Variants in CCDC180 observed in about 807,000 individuals in gnomAD.
The protein encoded by CCDC180 is coiled-coil domain containing 180.
Under a neutral mutation model 209.2 loss-of-function variants are expected in CCDC180, and 154 were observed. That is an observed-to-expected ratio of 0.74 (90% CI 0.65 to 0.84). The LOEUF (loss-of-function observed/expected upper bound fraction) is 0.84. Ranked by LOEUF, CCDC180 falls within the 40% of genes least tolerant of loss-of-function variation. The probability of loss-of-function intolerance (pLI) is 0.00; values close to 1 mark genes in which losing one functional copy is unlikely to be tolerated. For synonymous variants in CCDC180, 778 were observed against 749.1 expected, an observed-to-expected ratio of 1.04 and a Z score of -0.63; for missense variants, 1,874 against 1,997.3, an observed-to-expected ratio of 0.94 and a Z score of 1.18.
intron 29 of CCDC180, 27 bp downstream of exon 29, chr9:97,364,155 C>T (rs771182754): frequency 6.2e-7 from 1 of 1,609,438 alleles, no homozygotes; most frequent in South Asian, 1.1e-5. Flanking sequence ...TTCCTTTTGA[C>T]TGCATTTAAC....
Position 97,330,686 on chromosome 9 carries a change from A to AGAGGAG in CCDC180, c.2203_2208dup (p.Glu735_Glu736dup), listed in dbSNP as rs113264216. On this transcript the variant is annotated inframe_insertion, in exon 18 of 37. Transcript: ENST00000529487. ...CAGAGGAGGAAGATGAGAAGGAGGA[A>AGAGGAG]GAGGAGGAGGAGGAGAAGCTGGAGG... 0.46 allele frequency: 731,819 copies of AGAGGAG among 1,585,562 alleles called. 160,393 individuals are homozygous for AGAGGAG. Among genetic ancestry groups the AGAGGAG allele is most frequent in the African/African-American group, 0.71 (51,680 of 73,204 alleles).
Position 97,377,811 on chromosome 9 carries a change from A to G in CCDC180, c.*917A>G, listed in dbSNP as rs1827297349. 1 of 134,682 alleles carries G rather than the reference A, an allele frequency of 7.4e-6. No homozygotes were observed. Among genetic ancestry groups the G allele is most frequent in the South Asian group, 2.4e-4 (1 of 4,146 alleles). The allele number at this position is 134,682 out of a possible 1,614,324, so 8.3% of individuals were successfully genotyped here. ...CTGTGCTCCCCCCACCCCCACCCCA[A>G]TGTGCTACCTTTCATTGCTTATTAT... On this transcript the variant is annotated 3_prime_UTR_variant, in exon 37 of 37. Transcript: ENST00000529487.
In CCDC180 at chr9:97,326,450, G is replaced by A. The variant is rs573228520; in HGVS notation, c.1546-104G>A. On this transcript the variant is annotated intron_variant, in intron 14 of 36. Coordinates refer to ENST00000529487, the MANE Select transcript of CCDC180 (RefSeq NM_020893.6). ...GAAAGGAAGTCCTGGGTCTGCTGAGGCACCTGGGCCTCAGTTCCAGCAGCA... is the reference window on the plus strand; with the variant it reads ...GAAAGGAAGTCCTGGGTCTGCTGAGACACCTGGGCCTCAGTTCCAGCAGCA... The A allele has an allele frequency of 2.4e-3, 1,737 of 714,696 alleles. 18 individuals are homozygous for A. The highest frequency in any genetic ancestry group is 8.2e-3 in the South Asian group (513 of 62,624). 44.3% of individuals were successfully genotyped at this position (714,696 alleles called of 1,614,324 possible). A position where few individuals can be genotyped will look rare whatever the true frequency, so the allele number is the denominator to read the frequency against.
At chr9:97,349,969 T>C (rs1184303224) in intron 21 of CCDC180, among the ~76,000 whole-genome samples, 2 of 152,146 alleles carry the variant, frequency 1.3e-5, no homozygotes, top group African/African-American at 4.8e-5. Flanking sequence ...TAGGATCTTC[T>C]GGGATTCTTT....
chr9:97,357,836 C>T (rs769947953), intron 25 of CCDC180, 111 bp downstream of exon 25: 19 of 829,506 alleles, frequency 2.3e-5, no homozygotes, highest in South Asian at 3.7e-5. Context: ...ACAAGGTTGG[C>T]GGGGTGGGGG....
intron 24 of CCDC180, among the ~76,000 whole-genome samples, chr9:97,355,504 A>G (rs977648278): frequency 1.3e-5 from 2 of 152,198 alleles, no homozygotes; most frequent in African/African-American, 2.4e-5. Flanking sequence ...ATTGAGCACC[A>G]TGCATCCTGC....
At position 97,366,436 on chromosome 9, in the gene CCDC180, C is replaced by G; in HGVS notation, c.4048-123C>G. Reference sequence around the variant, plus strand: ...GGAGGAGTGTCTGCTCGTGTCACTTCCACAGGGGATGCCACGAGCAAAGGC... The same window carrying G: ...GGAGGAGTGTCTGCTCGTGTCACTTGCACAGGGGATGCCACGAGCAAAGGC... On this transcript the variant is annotated intron_variant, in intron 30 of 36. Coordinates refer to ENST00000529487, the MANE Select transcript of CCDC180 (RefSeq NM_020893.6). This position sits in a 1 kb window ranked among gnomAD's most constrained non-coding sequence, Gnocchi z 4.3. The G allele has an allele frequency of 9.9e-7, 1 of 1,012,236 alleles. No individual in the cohort carries two copies. The allele number at this position is 1,012,236 out of a possible 1,614,324, so 62.7% of individuals were successfully genotyped here.
At chr9:97,330,090 G>T (rs1042939903) in intron 16 of CCDC180, 64 bp from the exon 17 acceptor site, 37 of 1,033,486 alleles carry the variant, frequency 3.6e-5, no homozygotes, top group South Asian at 7.2e-5. Context: ...AAAAAAAAAA[G>T]GTGGGGGGCA....
At position 97,378,538 on chromosome 9, in the gene CCDC180, C is replaced by T. The variant is rs977394200; in HGVS notation, c.*1644C>T. On this transcript the variant is annotated 3_prime_UTR_variant, in exon 37 of 37. Transcript: ENST00000529487. ...ATATTTTCTCCCTGCTTTTTAAATC[C>T]TAGCCCAGTCCACTAACTCAGTTCA... 1 of 146,354 alleles carries T rather than the reference C, an allele frequency of 6.8e-6. No individual in the cohort carries two copies. Among genetic ancestry groups the T allele is most frequent in the Admixed American group, 7.1e-5 (1 of 13,994 alleles). 9.1% of individuals were successfully genotyped at this position (146,354 alleles called of 1,614,324 possible).
Position 97,354,733 on chromosome 9 carries a change from C to T in CCDC180, c.3147+20C>T, listed in dbSNP as rs1252580123. The T allele has an allele frequency of 6.2e-7, 1 of 1,614,038 alleles. No individual in the cohort carries two copies. The highest frequency in any genetic ancestry group is 8.5e-7 in the Non-Finnish European group (1 of 1,179,950). ...GACCAGGTAGGGCCCCCAGCCAGGC[C>T]CCAGGCCAACCGGTTCCACAGTATC... On this transcript the variant is annotated intron_variant, in intron 23 of 36. Coordinates refer to ENST00000529487, the MANE Select transcript of CCDC180 (RefSeq NM_020893.6).
At chr9:97,373,239 A>G (rs1309390792) in intron 34 of CCDC180, 1 of 152,252 alleles carries the variant, frequency 6.6e-6, no homozygotes, top group African/African-American at 2.4e-5. Context: ...ACTTTTATAA[A>G]TATAAGATTA....
intron 33 of CCDC180, 30 bp downstream of exon 33, chr9:97,370,808 G>A (rs372207445): frequency 6.2e-7 from 1 of 1,610,586 alleles, no homozygotes; most frequent in African/African-American, 1.3e-5. Context: ...CGCCAGTCCA[G>A]GCATGCTCCA....
rs555499519 is a variant in CCDC180 at position 97,362,430 on chromosome 9, C to T, written c.3891C>T (p.Thr1297=). ...GKKAVPSASA[T]SAGSFTPHPK... Reference sequence around the variant, plus strand: ...AGGCTGTACCCAGTGCCAGTGCTACCTCTGCAGGCAGGTAGGACACAAAGC... The same window carrying T: ...AGGCTGTACCCAGTGCCAGTGCTACTTCTGCAGGCAGGTAGGACACAAAGC... The change falls in exon 28 of 37, where the codon ACC becomes ACT. Residue 1297 remains threonine (T), a synonymous_variant. Transcript: ENST00000529487. The T allele has an allele frequency of 2.0e-5, 32 of 1,613,820 alleles. No individual in the cohort carries two copies. The Admixed American group carries it at 4.3e-4, about 22-fold the overall frequency.
At chr9:97,341,227 G>T (rs987252945) in intron 18 of CCDC180, among the ~76,000 whole-genome samples, 1 of 152,102 alleles carries the variant, frequency 6.6e-6, no homozygotes, top group Non-Finnish European at 1.5e-5. Context: ...GACATTCAGG[G>T]CCACTACCGG....
In CCDC180 at chr9:97,377,625, G is replaced by A. The variant is rs1827293674; in HGVS notation, c.*731G>A. 6.6e-6 allele frequency: 1 copy of A among 152,232 alleles called. No individual in the cohort carries two copies. Among genetic ancestry groups the A allele is most frequent in the Non-Finnish European group, 1.5e-5 (1 of 68,128 alleles). The allele number at this position is 152,232 out of a possible 1,614,324, so 9.4% of individuals were successfully genotyped here. A position where few individuals can be genotyped will look rare whatever the true frequency, so the allele number is the denominator to read the frequency against. On this transcript the variant is annotated 3_prime_UTR_variant, in exon 37 of 37. Coordinates refer to ENST00000529487, the MANE Select transcript of CCDC180 (RefSeq NM_020893.6). ...CTGAAAGCTGTGTGACCCTCCAAGT[G>A]CAGTTCCCTCACCTGGGGACACTCA...
chr9:97,329,584 T>G (rs551724539), intron 16 of CCDC180, among the ~76,000 whole-genome samples: 5 of 152,332 alleles, frequency 3.3e-5, no homozygotes, highest in Admixed American at 3.3e-4. Context: ...TCCAGATCAC[T>G]GCCAAAAAAT....
At chr9:97,375,955 C>G in intron 36 of CCDC180, 1 of 249,392 alleles carries the variant, frequency 4.0e-6, no homozygotes, top group Non-Finnish European at 7.7e-6. Flanking sequence ...GGAGCAGTCA[C>G]AGCTCCTGAG....
upstream of CCDC180, chr9:97,307,442 G>A: frequency 1.7e-6 from 1 of 590,014 alleles, no homozygotes; most frequent in Non-Finnish European, 3.2e-6. Context: ...GGCTCAGGGG[G>A]ACGGCCAGGG....
In CCDC180 at chr9:97,347,458, G is replaced by A. The variant is rs768933784; in HGVS notation, c.2643G>A (p.Gln881=). The change falls in exon 20 of 37, where the codon CAG becomes CAA. Residue 881 remains glutamine (Q), a synonymous_variant. Transcript: ENST00000529487. ...ACCTGCACCAGCCAAGAGCCCAGCAGATTGAAAAAGACATCCACAACGTCA... is the reference window on the plus strand; with the variant it reads ...ACCTGCACCAGCCAAGAGCCCAGCAAATTGAAAAAGACATCCACAACGTCA... ...HLHLHQPRAQ[Q]IEKDIHNVRA... is the part of the protein sequence containing the mutation. 7 of 1,536,172 alleles carry A rather than the reference G, an allele frequency of 4.6e-6. No individual in the cohort carries two copies. In the South Asian group the frequency reaches 7.1e-5, roughly 16 times the overall value.
Sources: allele counts gnomAD v4.1 joint callset (sites outside exome capture counted in the v4.1 genomes callset), GRCh38; gene constraint gnomAD v4.1.1; non-coding constraint Gnocchi (gnomAD v3.1); transcripts MANE v1.5; gene names NCBI Gene and HGNC (gene_info 2026-07-23, HGNC 2026-07-21).